The following LSAMP variants were observed in gnomAD, a reference collection of about 807,000 sequenced individuals.
LSAMP encodes limbic system associated membrane protein.
A neutral mutation model predicts 38.6 loss-of-function variants in LSAMP; 7 were observed. The observed-to-expected ratio is 0.18, with a 90% CI of 0.10 to 0.34. The LOEUF (loss-of-function observed/expected upper bound fraction) is 0.34. Among genes scored for constraint, LSAMP ranks in the 10% least tolerant of loss-of-function variants. The pLI, the probability that LSAMP is intolerant of heterozygous loss-of-function variation, is 1.00. For synonymous variants in LSAMP, 154 were observed against 166.8 expected (o/e 0.92, Z 0.59); for missense variants, 313 against 420.0 (o/e 0.75, Z 2.23).
rs767006342 is a variant in LSAMP, at chr3:115,900,053, C to A, written c.515-47436G>T. Among the ~76,000 whole-genome samples, 40 of 152,170 alleles carry A rather than the reference C, an allele frequency of 2.6e-4. 1 individual carries two copies. Among genetic ancestry groups the A allele is most frequent in the Non-Finnish European group, 7.3e-5 (5 of 68,030 alleles). On this transcript the variant is annotated intron_variant, in intron 3 of 6. Transcript: ENST00000490035. ...AAATAATTTTGGATGTAGAATTACACTTAACTATTTGCTTTTAGGATATTT... is the reference window on the plus strand; with the variant it reads ...AAATAATTTTGGATGTAGAATTACAATTAACTATTTGCTTTTAGGATATTT...
chr3:116,302,239 A>C (rs1227404974), intron 1 of LSAMP, among the ~76,000 whole-genome samples: 3 of 152,212 alleles, frequency 2.0e-5, no homozygotes, highest in Non-Finnish European at 4.4e-5. Context: ...GTTGCTTTCC[A>C]AGTAAGCATG....
chr3:115,972,683 C>T (rs1488602627), intron 3 of LSAMP, among the ~76,000 whole-genome samples: 2 of 151,136 alleles, frequency 1.3e-5, no homozygotes, highest in African/African-American at 4.8e-5. Context: ...AGAACACTGA[C>T]TTTGAGATTA....
intron 1 of LSAMP, among the ~76,000 whole-genome samples, chr3:116,112,056 T>C (rs1027940558): frequency 2.6e-5 from 4 of 152,216 alleles, no homozygotes; most frequent in Admixed American, 6.5e-5. Context: ...ACAGAAGCCA[T>C]GTGTTCTTGA....
chr3:116,068,070 G>T (rs1296911889), intron 2 of LSAMP, among the ~76,000 whole-genome samples: 2 of 152,074 alleles, frequency 1.3e-5, no homozygotes, highest in Non-Finnish European at 2.9e-5. Context: ...ATTTAACGAG[G>T]GGATGAATAA....
intron 1 of LSAMP, among the ~76,000 whole-genome samples, chr3:116,138,898 G>A (rs1346416351): frequency 6.6e-6 from 1 of 151,214 alleles, no homozygotes; most frequent in Admixed American, 6.6e-5. Flanking sequence ...GCAATCTATG[G>A]TTGTTGTTGA....
intron 1 of LSAMP, among the ~76,000 whole-genome samples, chr3:116,212,704 A>C (rs537463091): frequency 4.5e-4 from 69 of 152,336 alleles, no homozygotes; most frequent in African/African-American, 1.7e-3. Context: ...TTGGAGTTAT[A>C]AGTTTTTGTA....
chr3:116,003,707 A>G (rs1036228485), intron 3 of LSAMP, among the ~76,000 whole-genome samples: 1 of 152,208 alleles, frequency 6.6e-6, no homozygotes, highest in African/African-American at 2.4e-5. Flanking sequence ...TTTGAGACAC[A>G]CAGATACAAA....
At chr3:116,121,940 T>C (rs1708885956) in intron 1 of LSAMP, among the ~76,000 whole-genome samples, 2 of 151,680 alleles carry the variant, frequency 1.3e-5, no homozygotes, top group Admixed American at 1.3e-4. Flanking sequence ...GTGTATTTTA[T>C]GTGCGGCCCA....
At chr3:115,941,572 GACACACACACAGAT>G (rs1686513702) in intron 3 of LSAMP, among the ~76,000 whole-genome samples, 1 of 151,544 alleles carries the variant, frequency 6.6e-6, no homozygotes, top group Non-Finnish European at 1.5e-5. Context: ...CACACACACA[GACACACACACAGAT>G]ACACACACAC....
chr3:116,259,694 C>A (rs145293431), intron 1 of LSAMP, among the ~76,000 whole-genome samples: 4 of 151,992 alleles, frequency 2.6e-5, no homozygotes, highest in Non-Finnish European at 5.9e-5. Context: ...GCAATCATTT[C>A]GTAAAGTTGC....
At chr3:116,278,750 T>C (rs2047086000) in intron 1 of LSAMP, among the ~76,000 whole-genome samples, 1 of 152,236 alleles carries the variant, frequency 6.6e-6, no homozygotes. Context: ...CCTAGCACAT[T>C]GCTGTTGCTC....
intron 1 of LSAMP, among the ~76,000 whole-genome samples, chr3:116,232,181 G>C (rs536093301): frequency 2.0e-5 from 3 of 152,184 alleles, no homozygotes; most frequent in Non-Finnish European, 4.4e-5. Context: ...AGTACAAGAA[G>C]AGAGGCTGGA....
intron 3 of LSAMP, among the ~76,000 whole-genome samples, chr3:115,930,909 AT>A (rs1342448818): frequency 2.0e-5 from 3 of 152,070 alleles, no homozygotes; most frequent in African/African-American, 7.2e-5. Flanking sequence ...ATTTACTTTT[AT>A]TTTTTCTATC....
intron 3 of LSAMP, among the ~76,000 whole-genome samples, chr3:115,927,114 G>A (rs891413329): frequency 1.3e-5 from 2 of 152,096 alleles, no homozygotes; most frequent in Non-Finnish European, 2.9e-5. Flanking sequence ...CTTCTTTATG[G>A]GAAATATATT....
chr3:116,141,500 G>A (rs1270271355), intron 1 of LSAMP, among the ~76,000 whole-genome samples: 2 of 151,514 alleles, frequency 1.3e-5, no homozygotes, highest in East Asian at 1.9e-4. Context: ...TGCGATTTTC[G>A]TTTCTACCTC....
intron 1 of LSAMP, among the ~76,000 whole-genome samples, chr3:116,096,443 C>G (rs564121813): frequency 6.6e-6 from 1 of 152,206 alleles, no homozygotes; most frequent in Non-Finnish European, 1.5e-5. Flanking sequence ...TGTCTTGCAT[C>G]TGATAGCCCC....
At chr3:116,177,851 T>A (rs903737210) in intron 1 of LSAMP, among the ~76,000 whole-genome samples, 2 of 152,156 alleles carry the variant, frequency 1.3e-5, no homozygotes, top group African/African-American at 4.8e-5. Context: ...GTTAAAAAAA[T>A]GTCCCTGACT....
intron 6 of LSAMP, among the ~76,000 whole-genome samples, chr3:115,820,058 A>G (rs1934179244): frequency 6.6e-6 from 1 of 152,054 alleles, no homozygotes; most frequent in Admixed American, 6.5e-5. Context: ...CCAGGCATGA[A>G]ATAGTACTCT....
intron 1 of LSAMP, among the ~76,000 whole-genome samples, chr3:116,262,999 G>A (rs1212226368): frequency 1.3e-5 from 2 of 151,770 alleles, no homozygotes; most frequent in Non-Finnish European, 2.9e-5. Context: ...TTAAAGCAAA[G>A]CTTTTATTTC....
Sources: allele counts gnomAD v4.1 joint callset (sites outside exome capture counted in the v4.1 genomes callset), GRCh38; gene constraint gnomAD v4.1.1; transcripts MANE v1.5; gene names NCBI Gene and HGNC (gene_info 2026-07-23, HGNC 2026-07-21).